Variants in HLA-DMA observed in about 807,000 individuals in gnomAD.
HLA-DMA encodes major histocompatibility complex, class II, DM alpha.
A neutral mutation model predicts 27.3 loss-of-function variants in HLA-DMA; 20 were observed. The observed-to-expected ratio is 0.73, with a 90% CI of 0.52 to 1.07. HLA-DMA has a LOEUF of 1.07. HLA-DMA is among the 50% of genes least tolerant of loss of function. The pLI is 0.00. For missense variants in HLA-DMA, 241 were observed against 321.7 expected, an observed-to-expected ratio of 0.75 and a Z score of 1.92; for synonymous variants, 111 against 126.8, an observed-to-expected ratio of 0.88 and a Z score of 0.83.
In HLA-DMA at chr6:32,949,394, G is replaced by A. The variant is rs140525665; in HGVS notation, c.658C>T (p.Arg220Trp). ...RYTAIAYWVP[R>W]NALPSDLLEN... ...AGCAGATCTGAGGGCAGTGCGTTCC[G>A]GGGTACTGGAGGAAATGAGTGGCTC... The change falls in exon 4 of 5, where the codon CGG (arginine) becomes TGG (tryptophan). Residue 220 changes from arginine (R) to tryptophan (W), a missense_variant. Physicochemically the swap from Arg to Trp is moderately radical, Grantham distance 101 (BLOSUM62 -3). Coordinates refer to ENST00000374843, the MANE Select transcript of HLA-DMA (RefSeq NM_006120.4). This position sits in a 1 kb window ranked among gnomAD's most constrained non-coding sequence, Gnocchi z 5.8. The A allele has an allele frequency of 4.6e-5, 75 of 1,613,764 alleles. No homozygotes were observed. Among genetic ancestry groups the A allele is most frequent in the Middle Eastern group, 1.6e-4 (1 of 6,084 alleles).
chr6:32,948,827 G>T lies in HLA-DMA; in HGVS notation c.*37C>A. The T allele has an allele frequency of 6.2e-7, 1 of 1,613,430 alleles. No individual in the cohort carries two copies. Among genetic ancestry groups the T allele is most frequent in the Non-Finnish European group, 8.5e-7 (1 of 1,179,464 alleles). On this transcript the variant is annotated 3_prime_UTR_variant, in exon 5 of 5. Transcript: ENST00000374843. The stretch of plus-strand genomic sequence containing the variant: ...AATCTGAGCATCCTCTGTTTGGATG[G>T]CCGAAGCTGCTGGCATCAAACTCTG...
intron 1 of HLA-DMA, among the ~76,000 whole-genome samples, chr6:32,951,188 A>C (rs1776882778): frequency 6.6e-6 from 1 of 152,040 alleles, no homozygotes; most frequent in African/African-American, 2.4e-5. Flanking sequence ...CTGCTTAAGG[A>C]GCGTGGGCTG....
intron 1 of HLA-DMA, chr6:32,952,419 T>C (rs865887221): frequency 4.5e-5 from 21 of 471,664 alleles, no homozygotes; most frequent in African/African-American, 4.2e-4. Context: ...ATAATCCCTC[T>C]TCTTTGAAGC....
Position 32,949,457 on chromosome 6 carries a change from A to G in HLA-DMA, c.653-58T>C. 2 of 1,608,658 alleles carry G rather than the reference A, an allele frequency of 1.2e-6. No homozygotes were observed. Among genetic ancestry groups the G allele is most frequent in the Non-Finnish European group, 1.7e-6 (2 of 1,175,888 alleles). ...TAGTTAGGGAGCCTCCCACCCAGGG[A>G]AATGACGTGGGTGTCTGGGATGACA... On this transcript the variant is annotated intron_variant, in intron 3 of 4. Transcript: ENST00000374843. This position sits in a 1 kb window ranked among gnomAD's most constrained non-coding sequence, Gnocchi z 5.8.
At position 32,950,398 on chromosome 6, in the gene HLA-DMA, GTGA is replaced by G; in HGVS notation, c.373+118_373+120del. 8.0e-7 allele frequency: 1 copy of G among 1,245,154 alleles called. No individual in the cohort carries two copies. Among genetic ancestry groups the G allele is most frequent in the Non-Finnish European group, 1.1e-6 (1 of 876,672 alleles). The allele number at this position is 1,245,154 out of a possible 1,614,324, so 77.1% of individuals were successfully genotyped here. A position where few individuals can be genotyped will look rare whatever the true frequency, so the allele number is the denominator to read the frequency against. On this transcript the variant is annotated intron_variant, in intron 2 of 4. Coordinates refer to ENST00000374843, the MANE Select transcript of HLA-DMA (RefSeq NM_006120.4). This position sits in a 1 kb window ranked among gnomAD's most constrained non-coding sequence, Gnocchi z 5.0. ...GACCAAGGCTGGTGGAAAAATTAAG[GTGA>G]TGAAGAGAACCAGAAAGTATTTGAG...
Position 32,953,059 on chromosome 6 carries a change from A to G in HLA-DMA, c.-23T>C, listed in dbSNP as rs1317470940. Reference sequence around the variant, plus strand: ...CATACCTTCTTGCCACACAGTAGGTAGGAGCTACCAACCCAGCCAACCCAG... The same window carrying G: ...CATACCTTCTTGCCACACAGTAGGTGGGAGCTACCAACCCAGCCAACCCAG... On this transcript the variant is annotated 5_prime_UTR_variant, in exon 1 of 5. Transcript: ENST00000374843. 1 of 1,596,976 alleles carries G rather than the reference A, an allele frequency of 6.3e-7. No homozygotes were observed. The highest frequency in any genetic ancestry group is 1.3e-5 in the African/African-American group (1 of 74,586).
Position 32,949,412 on chromosome 6 carries a change from A to T in HLA-DMA, c.653-13T>A. Reference sequence around the variant, plus strand: ...GCGTTCCGGGGTACTGGAGGAAATGAGTGGCTCAGCCTGGGGACCTAGTTA... The same window carrying T: ...GCGTTCCGGGGTACTGGAGGAAATGTGTGGCTCAGCCTGGGGACCTAGTTA... On this transcript the variant is annotated splice_polypyrimidine_tract_variant and intron_variant, in intron 3 of 4. Transcript: ENST00000374843. This position sits in a 1 kb window ranked among gnomAD's most constrained non-coding sequence, Gnocchi z 5.8. The T allele has an allele frequency of 1.2e-6, 2 of 1,613,470 alleles. No individual in the cohort carries two copies. Among genetic ancestry groups the T allele is most frequent in the Non-Finnish European group, 1.7e-6 (2 of 1,179,664 alleles).
chr6:32,949,917 A>G lies in HLA-DMA; in HGVS notation c.374-28T>C, dbSNP rs949770422. On this transcript the variant is annotated intron_variant, in intron 2 of 4. Coordinates refer to ENST00000374843, the MANE Select transcript of HLA-DMA (RefSeq NM_006120.4). The surrounding 1 kb of genome is among the most constrained non-coding windows in gnomAD (Gnocchi z 5.8). Reference sequence around the variant, plus strand: ...GGTGGGGGGATTGAAGTGTAGGGGGAAAAAGAGACTAGTTTAGATGGTATC... The same window carrying G: ...GGTGGGGGGATTGAAGTGTAGGGGGGAAAAGAGACTAGTTTAGATGGTATC... 8 of 1,607,054 alleles carry G rather than the reference A, an allele frequency of 5.0e-6. No homozygotes were observed. Among genetic ancestry groups the G allele is most frequent in the Non-Finnish European group, 6.8e-6 (8 of 1,176,216 alleles).
rs749383484 is a variant in HLA-DMA at position 32,949,562 on chromosome 6, A to G, written c.652+49T>C. 11 of 1,608,526 alleles carry G rather than the reference A, an allele frequency of 6.8e-6. No homozygotes were observed. The highest frequency in any genetic ancestry group is 9.4e-6 in the Non-Finnish European group (11 of 1,176,032). On this transcript the variant is annotated intron_variant, in intron 3 of 4. Transcript: ENST00000374843. This position sits in a 1 kb window ranked among gnomAD's most constrained non-coding sequence, Gnocchi z 5.8. ...GAAAGAAGCCTCCTCCCATGGATCT[A>G]TCCCTTTTTGCCCCCAAAAGGACCA...
In HLA-DMA at chr6:32,948,813, C is replaced by A; in HGVS notation, c.*51G>T. ...GGCAGGATGTGAGAAATCTGAGCAT[C>A]CTCTGTTTGGATGGCCGAAGCTGCT... On this transcript the variant is annotated 3_prime_UTR_variant, in exon 5 of 5. Transcript: ENST00000374843. The A allele has an allele frequency of 6.2e-7, 1 of 1,610,844 alleles. No individual in the cohort carries two copies. The highest frequency in any genetic ancestry group is 8.5e-7 in the Non-Finnish European group (1 of 1,177,068).
At position 32,949,935 on chromosome 6, in the gene HLA-DMA, A is replaced by T. The variant is rs1462574378; in HGVS notation, c.374-46T>A. ...TAGGGGGAAAAAGAGACTAGTTTAG[A>T]TGGTATCTCTGTGTTTGGAGGGGCC... On this transcript the variant is annotated intron_variant, in intron 2 of 4. Transcript: ENST00000374843. This position sits in a 1 kb window ranked among gnomAD's most constrained non-coding sequence, Gnocchi z 5.8. The T allele has an allele frequency of 6.3e-7, 1 of 1,592,700 alleles. No individual in the cohort carries two copies. The highest frequency in any genetic ancestry group is 2.2e-5 in the East Asian group (1 of 44,650).
chr6:32,948,639 C>T lies in HLA-DMA; in HGVS notation c.*225G>A, dbSNP rs1776750713. The T allele has an allele frequency of 6.6e-6, 4 of 606,700 alleles. No homozygotes were observed. The highest frequency in any genetic ancestry group is 1.2e-5 in the Non-Finnish European group (4 of 339,260). 37.6% of individuals were successfully genotyped at this position (606,700 alleles called of 1,614,324 possible). On this transcript the variant is annotated 3_prime_UTR_variant, in exon 5 of 5. Transcript: ENST00000374843. ...GATATAAAGAAATGAGATTTATTGC[C>T]TTGTGGGGGGAAGGGATGTGGTTGT... is the stretch of plus-strand genomic sequence containing the variant.
In HLA-DMA at chr6:32,949,719, G is replaced by GTCCA. The variant is rs1776806209; in HGVS notation, c.540_543dup (p.Leu182TrpfsTer18). 6.2e-7 allele frequency: 1 copy of GTCCA among 1,612,958 alleles called. No individual in the cohort carries two copies. The highest frequency in any genetic ancestry group is 1.1e-5 in the South Asian group (1 of 91,082). Reference sequence around the variant, plus strand: ...AAGTAAGAAAAGGCCTGGAAGCTGAGTCCATCGACAGCTGAGACAAAAGTA... The same window carrying GTCCA: ...AAGTAAGAAAAGGCCTGGAAGCTGAGTCCATCCATCGACAGCTGAGACAAAAGTA... On this transcript the variant is annotated frameshift_variant, in exon 3 of 5. Coordinates refer to ENST00000374843, the MANE Select transcript of HLA-DMA (RefSeq NM_006120.4). LOFTEE classifies it high-confidence loss of function. The surrounding 1 kb of genome is among the most constrained non-coding windows in gnomAD (Gnocchi z 5.8).
Position 32,949,487 on chromosome 6 carries a change from A to T in HLA-DMA, c.653-88T>A. The T allele has an allele frequency of 6.2e-7, 1 of 1,600,268 alleles. No individual in the cohort carries two copies. The highest frequency in any genetic ancestry group is 8.6e-7 in the Non-Finnish European group (1 of 1,169,124). On this transcript the variant is annotated intron_variant, in intron 3 of 4. Coordinates refer to ENST00000374843, the MANE Select transcript of HLA-DMA (RefSeq NM_006120.4). The surrounding 1 kb of genome is among the most constrained non-coding windows in gnomAD (Gnocchi z 5.8). The stretch of plus-strand genomic sequence containing the variant: ...ACGTGGGTGTCTGGGATGACATGGG[A>T]GACTGGGATGGGCTTAGGGTAGGAA...
chr6:32,950,627 C>T lies in HLA-DMA; in HGVS notation c.265G>A (p.Ala89Thr), dbSNP rs1256313072. The T allele has an allele frequency of 6.2e-7, 1 of 1,612,938 alleles. No individual in the cohort carries two copies. The highest frequency in any genetic ancestry group is 1.7e-5 in the Admixed American group (1 of 60,000). Reference protein sequence around the residue: ...VPRLPEFADWAQEQGDAPAIL... With the variant: ...VPRLPEFADWTQEQGDAPAIL... ...GCAGGAGCATCTCCCTGTTCCTGAG[C>T]CCAGTCAGCAAATTCGGGCAGGCGA... Residue 89 changes from alanine to threonine, a missense_variant, in exon 2 of 5, where the codon GCT (alanine) becomes ACT (threonine). By Grantham distance (58) the Ala-to-Thr change is moderately conservative. Coordinates refer to ENST00000374843, the MANE Select transcript of HLA-DMA (RefSeq NM_006120.4). This position sits in a 1 kb window ranked among gnomAD's most constrained non-coding sequence, Gnocchi z 5.0.
Position 32,948,842 on chromosome 6 carries a change from ATCAAAC to A in HLA-DMA, c.*16_*21del, listed in dbSNP as rs1323055936. ...TGTTTGGATGGCCGAAGCTGCTGGCATCAAACTCTGGTCTGGAAGAATCAGTCTGGG... is the reference window on the plus strand; with the variant it reads ...TGTTTGGATGGCCGAAGCTGCTGGCATCTGGTCTGGAAGAATCAGTCTGGG... On this transcript the variant is annotated 3_prime_UTR_variant, in exon 5 of 5. Coordinates refer to ENST00000374843, the MANE Select transcript of HLA-DMA (RefSeq NM_006120.4). The A allele has an allele frequency of 5.0e-6, 8 of 1,613,886 alleles. No individual in the cohort carries two copies. Among genetic ancestry groups the A allele is most frequent in the African/African-American group, 1.3e-5 (1 of 74,894 alleles).
chr6:32,948,644 G>C lies in HLA-DMA; in HGVS notation c.*220C>G. 3 of 610,390 alleles carry C rather than the reference G, an allele frequency of 4.9e-6. No homozygotes were observed. The highest frequency in any genetic ancestry group is 3.9e-5 in the South Asian group (2 of 51,736). The allele number at this position is 610,390 out of a possible 1,614,324, so 37.8% of individuals were successfully genotyped here. On this transcript the variant is annotated 3_prime_UTR_variant, in exon 5 of 5. Coordinates refer to ENST00000374843, the MANE Select transcript of HLA-DMA (RefSeq NM_006120.4). ...AAAGAAATGAGATTTATTGCCTTGTGGGGGGAAGGGATGTGGTTGTGATAG... is the reference window on the plus strand; with the variant it reads ...AAAGAAATGAGATTTATTGCCTTGTCGGGGGAAGGGATGTGGTTGTGATAG...
At chr6:32,952,167 G>A in intron 1 of HLA-DMA, 1 of 383,088 alleles carries the variant, frequency 2.6e-6, no homozygotes, top group Non-Finnish European at 5.3e-6. Context: ...ACTAGAGAAG[G>A]CCATGGATGG....
rs1373362920 is a variant in HLA-DMA at position 32,950,393 on chromosome 6, T to C, written c.373+126A>G. ...GTGCAGACCAAGGCTGGTGGAAAAA[T>C]TAAGGTGATGAAGAGAACCAGAAAG... On this transcript the variant is annotated intron_variant, in intron 2 of 4. Coordinates refer to ENST00000374843, the MANE Select transcript of HLA-DMA (RefSeq NM_006120.4). This position sits in a 1 kb window ranked among gnomAD's most constrained non-coding sequence, Gnocchi z 5.0. 2 of 1,211,596 alleles carry C rather than the reference T, an allele frequency of 1.7e-6. No homozygotes were observed. The highest frequency in any genetic ancestry group is 1.5e-5 in the African/African-American group (1 of 65,984). 75.1% of individuals were successfully genotyped at this position (1,211,596 alleles called of 1,614,324 possible).
Sources: gnomAD v4.1 joint callset for allele counts (sites outside exome capture counted in the v4.1 genomes callset) on GRCh38, gnomAD v4.1.1 for gene constraint, Gnocchi (gnomAD v3.1) non-coding constraint, MANE v1.5 for transcripts, NCBI Gene and HGNC (gene_info 2026-07-23, HGNC 2026-07-21) for gene names.